NRXN1: variants seen among roughly 807,000 people sequenced by gnomAD.
The protein encoded by NRXN1 is neurexin 1.
Under a neutral mutation model 150.9 loss-of-function variants are expected in NRXN1, and 39 were observed. The ratio of observed to expected loss-of-function variants is 0.26; its 90% confidence interval spans 0.20 to 0.34. The LOEUF (loss-of-function observed/expected upper bound fraction) is 0.34. Ranked by LOEUF, NRXN1 falls within the 10% of genes least tolerant of loss-of-function variation. The probability of loss-of-function intolerance (pLI) is 1.00; values close to 1 mark genes in which losing one functional copy is unlikely to be tolerated. For synonymous variants in NRXN1, 924 were observed against 757.0 expected, an observed-to-expected ratio of 1.22 and a Z score of -3.62; for missense variants, 1,815 against 1,949.9, an observed-to-expected ratio of 0.93 and a Z score of 1.30.
At chr2:50,640,660 C>T (rs1484201820) in intron 5 of NRXN1, among the ~76,000 whole-genome samples, 2 of 152,162 alleles carry the variant, frequency 1.3e-5, no homozygotes, top group African/African-American at 4.8e-5. Flanking sequence ...ATATTACATA[C>T]TGCCTTTGCA....
intron 19 of NRXN1, among the ~76,000 whole-genome samples, chr2:50,083,593 G>A (rs1025732856): frequency 2.6e-5 from 4 of 152,088 alleles, no homozygotes; most frequent in Non-Finnish European, 4.4e-5. Context: ...CACGCAAGAG[G>A]ACCCCAGCAG....
Position 50,478,238 on chromosome 2 carries a change from G to T in NRXN1, c.3071-5767C>A, listed in dbSNP as rs1227094434. ...TGCTTTCTTAGTAGAAAGCCTAAGT[G>T]TGACTGCTTAAATAAATAATATTAA... On this transcript the variant is annotated intron_variant, in intron 15 of 22. Coordinates refer to ENST00000401669, the MANE Select transcript of NRXN1 (RefSeq NM_001330078.2). Among the ~76,000 whole-genome samples, 5 of 152,154 alleles carry T rather than the reference G, an allele frequency of 3.3e-5. No individual in the cohort carries two copies. The East Asian group carries it at 9.6e-4, about 29-fold the overall frequency.
chr2:50,683,858 C>A (rs1249697349), intron 5 of NRXN1, among the ~76,000 whole-genome samples: 3 of 150,466 alleles, frequency 2.0e-5, no homozygotes, highest in East Asian at 4.0e-4. Flanking sequence ...TAACAAGGTA[C>A]GATGTGTGTA....
intron 5 of NRXN1, among the ~76,000 whole-genome samples, chr2:50,666,707 G>A (rs1688071573): frequency 6.6e-6 from 1 of 151,824 alleles, no homozygotes; most frequent in Non-Finnish European, 1.5e-5. Flanking sequence ...AATAGATTAT[G>A]CAGGTAAAAA....
At chr2:50,731,901 G>C (rs1698152499) in intron 5 of NRXN1, among the ~76,000 whole-genome samples, 1 of 152,150 alleles carries the variant, frequency 6.6e-6, no homozygotes, top group Non-Finnish European at 1.5e-5. Flanking sequence ...AACGGGCCCA[G>C]TTATCTTATA....
chr2:50,046,219 C>T (rs1166504909), intron 21 of NRXN1, among the ~76,000 whole-genome samples: 1 of 152,158 alleles, frequency 6.6e-6, no homozygotes, highest in Non-Finnish European at 1.5e-5. Context: ...ACTGTCCCAG[C>T]ATTGCAGTGT....
At chr2:50,685,385 G>T (rs567244953) in intron 5 of NRXN1, among the ~76,000 whole-genome samples, 1 of 152,178 alleles carries the variant, frequency 6.6e-6, no homozygotes, top group East Asian at 1.9e-4. Context: ...TGACCTTACT[G>T]CCATATCATC....
chr2:51,020,604 T>C (rs371238947), intron 2 of NRXN1, among the ~76,000 whole-genome samples: 1 of 151,918 alleles, frequency 6.6e-6, no homozygotes, highest in African/African-American at 2.4e-5. Flanking sequence ...TTTGAAAGAG[T>C]GTGTATCTAT....
At chr2:50,655,799 T>C (rs763167183) in intron 5 of NRXN1, among the ~76,000 whole-genome samples, 9 of 151,934 alleles carry the variant, frequency 5.9e-5, no homozygotes, top group Non-Finnish European at 8.8e-5. Flanking sequence ...ATCGTGTACA[T>C]TGACACTTCT....
intron 5 of NRXN1, among the ~76,000 whole-genome samples, chr2:50,775,339 G>A (rs892325513): frequency 6.6e-6 from 1 of 152,020 alleles, no homozygotes; most frequent in South Asian, 2.1e-4. Flanking sequence ...TTGCTTCTGT[G>A]CCATTCTAAC....
At chr2:50,587,638 A>C (rs1361912960) in intron 8 of NRXN1, among the ~76,000 whole-genome samples, 1 of 152,206 alleles carries the variant, frequency 6.6e-6, no homozygotes, top group Non-Finnish European at 1.5e-5. Context: ...ACTTGGAGGG[A>C]AAAAAGTATA....
chr2:49,945,432 T>C (rs1672720350), intron 21 of NRXN1, among the ~76,000 whole-genome samples: 1 of 151,664 alleles, frequency 6.6e-6, no homozygotes, highest in Admixed American at 6.6e-5. Context: ...AGGATACATG[T>C]GCAGCATATG....
chr2:50,071,638 A>G (rs766203290), intron 19 of NRXN1, among the ~76,000 whole-genome samples: 14 of 152,228 alleles, frequency 9.2e-5, no homozygotes, highest in South Asian at 2.1e-4. Context: ...CAGAACTGTG[A>G]GAGAATAAAT....
At chr2:50,317,661 G>T (rs1193050537) in intron 17 of NRXN1, among the ~76,000 whole-genome samples, 1 of 151,886 alleles carries the variant, frequency 6.6e-6, no homozygotes, top group African/African-American at 2.4e-5. Flanking sequence ...AGAAAAAAAC[G>T]TCTAAGATGA....
At chr2:50,546,288 G>A (rs1467619020) in intron 9 of NRXN1, among the ~76,000 whole-genome samples, 1 of 152,134 alleles carries the variant, frequency 6.6e-6, no homozygotes, top group South Asian at 2.1e-4. Flanking sequence ...CAGTGGGGAT[G>A]AAGTTGTCAA....
At chr2:50,562,683 AT>A (rs1042495379) in intron 8 of NRXN1, among the ~76,000 whole-genome samples, 7 of 152,188 alleles carry the variant, frequency 4.6e-5, no homozygotes, top group South Asian at 2.1e-4. Flanking sequence ...GAACCAGCAC[AT>A]TTTTTTGTCC....
chr2:50,138,012 A>C (rs1706676279), intron 18 of NRXN1, among the ~76,000 whole-genome samples: 1 of 152,194 alleles, frequency 6.6e-6, no homozygotes, highest in African/African-American at 2.4e-5. Flanking sequence ...AAGCTAAGCC[A>C]ATTGTTTTCT....
At chr2:51,017,503 CT>C (rs70958638) in intron 2 of NRXN1, among the ~76,000 whole-genome samples, 6 of 44,318 alleles carry the variant, frequency 1.4e-4, no homozygotes, top group East Asian at 1.5e-3. Flanking sequence ...CCACATCTGG[CT>C]TTTTTTTTTT....
intron 18 of NRXN1, among the ~76,000 whole-genome samples, chr2:50,148,467 A>G (rs564981528): frequency 1.6e-4 from 25 of 151,620 alleles, no homozygotes; most frequent in Non-Finnish European, 3.2e-4. Context: ...AAAAAAAAAC[A>G]AAGTCTAATT....
Sources: allele counts gnomAD v4.1 joint callset (sites outside exome capture counted in the v4.1 genomes callset), GRCh38; gene constraint gnomAD v4.1.1; transcripts MANE v1.5; gene names NCBI Gene and HGNC (gene_info 2026-07-23, HGNC 2026-07-21).